Variants in IGFBP5 observed in about 807,000 individuals in gnomAD.
The protein encoded by IGFBP5 is insulin-like growth factor-binding protein 5.
In IGFBP5, 12 loss-of-function variants were observed where a neutral mutation model predicts 28.0. The observed-to-expected ratio is 0.43, with a 90% CI of 0.27 to 0.69. The LOEUF is 0.69. Ranked by LOEUF, IGFBP5 falls within the 30% of genes least tolerant of loss-of-function variation. The pLI is 0.20. For missense variants in IGFBP5, 344 were observed against 381.6 expected, an observed-to-expected ratio of 0.90 and a Z score of 0.82; for synonymous variants, 152 against 150.2, an observed-to-expected ratio of 1.01 and a Z score of -0.09.
In IGFBP5 at chr2:216,676,690, C is replaced by T. The variant is rs916966370; in HGVS notation, c.*61G>A. ...AGTGGCGTCCTGGGGTGGAGGGAGG[C>T]GCTGGCTGGAGTCGGGGCTGGGGGT... On this transcript the variant is annotated 3_prime_UTR_variant, in exon 4 of 4. Coordinates refer to ENST00000233813, the MANE Select transcript of IGFBP5 (RefSeq NM_000599.4). 3.2e-5 allele frequency: 34 copies of T among 1,069,664 alleles called. No individual in the cohort carries two copies. The highest frequency in any genetic ancestry group is 6.9e-5 in the Admixed American group (3 of 43,178). The allele number at this position is 1,069,664 out of a possible 1,614,324, so 66.3% of individuals were successfully genotyped here.
chr2:216,686,082 T>A (rs958601631), intron 1 of IGFBP5, among the ~76,000 whole-genome samples: 3 of 151,110 alleles, frequency 2.0e-5, no homozygotes, highest in Admixed American at 1.3e-4. Flanking sequence ...CGGAGGGGAG[T>A]TGAGCAGACT....
Position 216,679,807 on chromosome 2 carries a change from G to A in IGFBP5, c.338-728C>T, listed in dbSNP as rs768739109. On this transcript the variant is annotated intron_variant, in intron 1 of 3. Coordinates refer to ENST00000233813, the MANE Select transcript of IGFBP5 (RefSeq NM_000599.4). The surrounding 1 kb of genome is among the most constrained non-coding windows in gnomAD (Gnocchi z 4.6). ...TCCTGCTCTGGCTCAGAACTGGCGC[G>A]GTGCTCGGGGGCCTGGGAGGCTGGG... 1.3e-4 allele frequency among the ~76,000 whole-genome samples: 20 copies of A among 152,286 alleles called. No homozygotes were observed. The highest frequency in any genetic ancestry group is 1.0e-3 in the South Asian group (5 of 4,824).
intron 1 of IGFBP5, among the ~76,000 whole-genome samples, chr2:216,690,004 A>C (rs1355023485): frequency 6.6e-6 from 1 of 151,730 alleles, no homozygotes; most frequent in Non-Finnish European, 1.5e-5. Flanking sequence ...AAATGACATC[A>C]TAACAGAATT....
intron 1 of IGFBP5, among the ~76,000 whole-genome samples, chr2:216,682,601 G>A (rs1376935343): frequency 6.6e-6 from 1 of 152,164 alleles, no homozygotes; most frequent in East Asian, 1.9e-4. Context: ...TCAACAGTCT[G>A]CTCTGGAACC....
At chr2:216,687,233 G>A (rs564004463) in intron 1 of IGFBP5, among the ~76,000 whole-genome samples, 15 of 152,142 alleles carry the variant, frequency 9.9e-5, no homozygotes, top group Non-Finnish European at 1.8e-4. Flanking sequence ...GGTGCTCTCC[G>A]GACCCGTCTC....
intron 1 of IGFBP5, among the ~76,000 whole-genome samples, chr2:216,691,666 TC>T (rs1689097187): frequency 6.6e-6 from 1 of 151,964 alleles, no homozygotes; most frequent in South Asian, 2.1e-4. Flanking sequence ...CTCCGCCCTC[TC>T]CTTTCCCTCC....
Position 216,678,872 on chromosome 2 carries a change from T to G in IGFBP5, c.545A>C (p.Glu182Ala), listed in dbSNP as rs1332414512. Reference protein sequence around the residue: ...TAHPRIISAPEMRQESEQGPC... With the variant: ...TAHPRIISAPAMRQESEQGPC... Reference sequence around the variant, plus strand: ...CACCTGCTCAGACTCCTGTCTCATCTCAGGTGCAGAGATGATCCGGGGGTG... The same window carrying G: ...CACCTGCTCAGACTCCTGTCTCATCGCAGGTGCAGAGATGATCCGGGGGTG... Residue 182 changes from glutamate (E) to alanine (A), a missense_variant, in exon 2 of 4, where the codon GAG (glutamate) becomes GCG (alanine). Transcript: ENST00000233813. 3 of 1,614,032 alleles carry G rather than the reference T, an allele frequency of 1.9e-6. No individual in the cohort carries two copies. The East Asian group carries it at 6.7e-5, about 36-fold the overall frequency.
At chr2:216,687,439 A>G (rs1435376104) in intron 1 of IGFBP5, among the ~76,000 whole-genome samples, 6 of 152,096 alleles carry the variant, frequency 3.9e-5, no homozygotes, top group Non-Finnish European at 2.9e-5. Context: ...CATCTGCCCC[A>G]CTGTCCAGGG....
At position 216,694,430 on chromosome 2, in the gene IGFBP5, C is replaced by T; in HGVS notation, c.337+9G>A. ...CCGCGTAACTGACTGGCACACTGAG[C>T]GCGCTCACCGATCTTGACTTGCTCG... On this transcript the variant is annotated intron_variant, in intron 1 of 3. Coordinates refer to ENST00000233813, the MANE Select transcript of IGFBP5 (RefSeq NM_000599.4). The surrounding 1 kb of genome is among the most constrained non-coding windows in gnomAD (Gnocchi z 5.2). The T allele has an allele frequency of 3.3e-6, 5 of 1,516,628 alleles. No individual in the cohort carries two copies. Among genetic ancestry groups the T allele is most frequent in the Non-Finnish European group, 4.4e-6 (5 of 1,134,756 alleles). The allele number at this position is 1,516,628 out of a possible 1,614,324, so 93.9% of individuals were successfully genotyped here. A position where few individuals can be genotyped will look rare whatever the true frequency, so the allele number is the denominator to read the frequency against.
Position 216,672,302 on chromosome 2 carries a change from GT to G in IGFBP5, c.*4448del, listed in dbSNP as rs771596160. ...GAGCCGAGCTCTTCCGCATTCAGGTGTTTTTTTTTTTTTTTTCGGCTTTTTT... is the reference window on the plus strand; with the variant it reads ...GAGCCGAGCTCTTCCGCATTCAGGTGTTTTTTTTTTTTTTTCGGCTTTTTT... On this transcript the variant is annotated 3_prime_UTR_variant, in exon 4 of 4. Transcript: ENST00000233813. 5,555 of 73,894 alleles carry G rather than the reference GT, an allele frequency of 0.075. 292 individuals are homozygous for G. The highest frequency in any genetic ancestry group is 0.21 in the African/African-American group (4,793 of 23,116). The allele number at this position is 73,894 out of a possible 1,614,324, so 4.6% of individuals were successfully genotyped here. A position where few individuals can be genotyped will look rare whatever the true frequency, so the allele number is the denominator to read the frequency against.
intron 1 of IGFBP5, among the ~76,000 whole-genome samples, chr2:216,682,567 T>G (rs1199614891): frequency 3.9e-5 from 6 of 152,144 alleles, no homozygotes; most frequent in Admixed American, 3.9e-4. Flanking sequence ...TGAAGATTGT[T>G]CTGCACGTGA....
At position 216,679,698 on chromosome 2, in the gene IGFBP5, G is replaced by A. The variant is rs1303172693; in HGVS notation, c.338-619C>T. Among the ~76,000 whole-genome samples the A allele has an allele frequency of 6.6e-6, 1 of 152,108 alleles. No homozygotes were observed. The highest frequency in any genetic ancestry group is 6.5e-5 in the Admixed American group (1 of 15,272). ...AGCAGGGTGGTGAGGACCTTCATAAGCGGCAGGAGGAGGGGAGGGGAGAGC... is the reference window on the plus strand; with the variant it reads ...AGCAGGGTGGTGAGGACCTTCATAAACGGCAGGAGGAGGGGAGGGGAGAGC... On this transcript the variant is annotated intron_variant, in intron 1 of 3. Coordinates refer to ENST00000233813, the MANE Select transcript of IGFBP5 (RefSeq NM_000599.4). This position sits in a 1 kb window ranked among gnomAD's most constrained non-coding sequence, Gnocchi z 4.6.
At chr2:216,690,268 G>A (rs930960264) in intron 1 of IGFBP5, among the ~76,000 whole-genome samples, 5 of 152,040 alleles carry the variant, frequency 3.3e-5, no homozygotes, top group African/African-American at 1.2e-4. Context: ...CCTCCAAATC[G>A]CCTGCTTGAC....
rs949282862 is a variant in IGFBP5, at chr2:216,694,606, A to G, written c.170T>C (p.Met57Thr). 1 of 1,543,558 alleles carries G rather than the reference A, an allele frequency of 6.5e-7. No individual in the cohort carries two copies. Among genetic ancestry groups the G allele is most frequent in the Non-Finnish European group, 8.7e-7 (1 of 1,146,278 alleles). ...LVKEPGCGCC[M>T]TCALAEGQSC... ...CTGCCCCTCGGCCAGGGCGCAGGTCATGCAGCAGCCGCAGCCCGGCTCCTT... is the reference window on the plus strand; with the variant it reads ...CTGCCCCTCGGCCAGGGCGCAGGTCGTGCAGCAGCCGCAGCCCGGCTCCTT... The change falls in exon 1 of 4, where the codon ATG (methionine) becomes ACG (threonine). Residue 57 changes from methionine (M) to threonine (T), a missense_variant. By Grantham distance (81) the Met-to-Thr change is moderately conservative. Transcript: ENST00000233813. The surrounding 1 kb of genome is among the most constrained non-coding windows in gnomAD (Gnocchi z 5.2).
Position 216,678,268 on chromosome 2 carries a change from A to T in IGFBP5, c.568-37T>A, listed in dbSNP as rs776674924. 1.4e-5 allele frequency: 21 copies of T among 1,480,838 alleles called. 1 individual carries two copies. In the South Asian group the frequency reaches 2.0e-4, roughly 14 times the overall value. The allele number at this position is 1,480,838 out of a possible 1,614,324, so 91.7% of individuals were successfully genotyped here. A position where few individuals can be genotyped will look rare whatever the true frequency, so the allele number is the denominator to read the frequency against. On this transcript the variant is annotated intron_variant, in intron 2 of 3. Transcript: ENST00000233813. Reference sequence around the variant, plus strand: ...GGAGGGTGAGAGGCGTGGCGAGACCAAGGGAAAACCACCCAGCTGCGCTGA... The same window carrying T: ...GGAGGGTGAGAGGCGTGGCGAGACCTAGGGAAAACCACCCAGCTGCGCTGA...
Position 216,694,521 on chromosome 2 carries a change from G to A in IGFBP5, c.255C>T (p.Asp85=). Residue 85 remains aspartate (D), a synonymous_variant, in exon 1 of 4, where the codon GAC becomes GAT. Coordinates refer to ENST00000233813, the MANE Select transcript of IGFBP5 (RefSeq NM_000599.4). This position sits in a 1 kb window ranked among gnomAD's most constrained non-coding sequence, Gnocchi z 5.2. The stretch of plus-strand genomic sequence containing the variant: ...GCAGGGCGTGCAGCGGCTTCTCCTC[G>A]TCCTGCCGGGGGAGGCAGCGCAGCC... The part of the protein sequence containing the change: ...AQGLRCLPRQ[D]EEKPLHALLH... 6.3e-7 allele frequency: 1 copy of A among 1,584,754 alleles called. No individual in the cohort carries two copies.
At position 216,676,825 on chromosome 2, in the gene IGFBP5, T is replaced by C; in HGVS notation, c.745A>G (p.Met249Val). Residue 249 changes from methionine to valine, a missense_variant, in exon 4 of 4, where the codon ATG (methionine) becomes GTG (valine). Coordinates refer to ENST00000233813, the MANE Select transcript of IGFBP5 (RefSeq NM_000599.4). ...ACGTACTCCATGCCTGGCAGCTTCATCCCGTACTTGTCCACGCACCAGCAG... is the reference window on the plus strand; with the variant it reads ...ACGTACTCCATGCCTGGCAGCTTCACCCCGTACTTGTCCACGCACCAGCAG... ...GICWCVDKYG[M>V]KLPGMEYVDG... The C allele has an allele frequency of 6.2e-7, 1 of 1,614,002 alleles. No individual in the cohort carries two copies. The highest frequency in any genetic ancestry group is 8.5e-7 in the Non-Finnish European group (1 of 1,179,922).
chr2:216,690,656 GC>G (rs1689084260), intron 1 of IGFBP5, among the ~76,000 whole-genome samples: 1 of 127,150 alleles, frequency 7.9e-6, no homozygotes, highest in Non-Finnish European at 1.6e-5. Context: ...TCCAGCCCAA[GC>G]CCCGGGACTA....
chr2:216,693,911 C>G (rs899032405), intron 1 of IGFBP5, among the ~76,000 whole-genome samples: 10 of 151,510 alleles, frequency 6.6e-5, no homozygotes, highest in African/African-American at 2.4e-4. Flanking sequence ...GGGATAGAAA[C>G]GTCTGGAGGC....
Sources: allele counts gnomAD v4.1 joint callset (sites outside exome capture counted in the v4.1 genomes callset), GRCh38; gene constraint gnomAD v4.1.1; non-coding constraint Gnocchi (gnomAD v3.1); transcripts MANE v1.5; gene names NCBI Gene and HGNC (gene_info 2026-07-23, HGNC 2026-07-21).